Variants in C10orf90 observed in about 807,000 individuals in gnomAD.
The protein encoded by C10orf90 is (E2-independent) E3 ubiquitin-conjugating enzyme FATS.
C10orf90 carries 56 observed loss-of-function variants against 62.5 expected under a neutral mutation model. That is an observed-to-expected ratio of 0.90 (90% CI 0.72 to 1.12). C10orf90 has a LOEUF of 1.12. C10orf90 is among the 50% of genes most tolerant of loss of function. The pLI, the probability that C10orf90 is intolerant of heterozygous loss-of-function variation, is 0.00. For missense variants in C10orf90, 970 were observed against 880.4 expected (o/e 1.10, Z -1.29); for synonymous variants, 386 against 340.4 (o/e 1.13, Z -1.47).
chr10:126,442,486 T>TC (rs1858419161), intron 7 of C10orf90, among the ~76,000 whole-genome samples: 1 of 95,384 alleles, frequency 1.0e-5, no homozygotes, highest in South Asian at 3.3e-4. Context: ...TTCATATATA[T>TC]ATATATATAT....
At chr10:126,492,939 A>C (rs1273350771) in intron 4 of C10orf90, among the ~76,000 whole-genome samples, 1 of 152,212 alleles carries the variant, frequency 6.6e-6, no homozygotes, top group Non-Finnish European at 1.5e-5. Flanking sequence ...TTTTTCTCTA[A>C]GGACATTTAT....
chr10:126,594,425 G>A lies in C10orf90; in HGVS notation c.313+52140C>T, dbSNP rs73386818. ...ATTGGGAAGATGAGTGTGGACAGGG[G>A]ACATCCTCCTGAGTTATGTGACTCA... On this transcript the variant is annotated intron_variant, in intron 2 of 9. Coordinates refer to ENST00000488181, the MANE Select transcript of C10orf90 (RefSeq NM_001350921.2). Among the ~76,000 whole-genome samples the A allele has an allele frequency of 9.1e-3, 1,388 of 152,224 alleles. 22 individuals carry two copies. Among genetic ancestry groups the A allele is most frequent in the African/African-American group, 0.032 (1,309 of 41,544 alleles).
chr10:126,462,088 G>C (rs1320675974), intron 5 of C10orf90, among the ~76,000 whole-genome samples: 1 of 152,094 alleles, frequency 6.6e-6, no homozygotes, highest in East Asian at 1.9e-4. Context: ...AGGCTGGTTT[G>C]GGGCTCTTCC....
intron 3 of C10orf90, among the ~76,000 whole-genome samples, chr10:126,506,919 AGTGTGTGTGTGT>A (rs61651582): frequency 8.0e-5 from 12 of 149,430 alleles, no homozygotes; most frequent in Middle Eastern, 6.8e-3. Context: ...CAGGAGGGCC[AGTGTGTGTGTGT>A]GTGTGTGTGT....
intron 1 of C10orf90, among the ~76,000 whole-genome samples, chr10:126,657,665 G>C (rs1018317876): frequency 6.7e-6 from 1 of 148,532 alleles, no homozygotes; most frequent in Non-Finnish European, 1.5e-5. Flanking sequence ...GCCCAGGCTA[G>C]AGTGCAGTGG....
chr10:126,651,683 G>C (rs1846294269), intron 1 of C10orf90, among the ~76,000 whole-genome samples: 1 of 152,308 alleles, frequency 6.6e-6, no homozygotes, highest in South Asian at 2.1e-4. Context: ...AGTCTATACA[G>C]AACACTGCTG....
At chr10:126,625,924 C>T (rs948871871) in intron 2 of C10orf90, among the ~76,000 whole-genome samples, 1 of 151,666 alleles carries the variant, frequency 6.6e-6, no homozygotes. Context: ...AAACCAGCCT[C>T]GCCAACATGG....
rs563439810 is a variant in C10orf90 at position 126,542,734 on chromosome 10, A to G, written c.314-28795T>C. 2.6e-4 allele frequency among the ~76,000 whole-genome samples: 39 copies of G among 152,284 alleles called. No homozygotes were observed. In the South Asian group the frequency reaches 6.6e-3, roughly 26 times the overall value. ...ACACACACCCCTATAAAAATCCAGCATCAGGGTGTGGGAAGGTGGGTTCTT... is the reference window on the plus strand; with the variant it reads ...ACACACACCCCTATAAAAATCCAGCGTCAGGGTGTGGGAAGGTGGGTTCTT... On this transcript the variant is annotated intron_variant, in intron 2 of 9. Transcript: ENST00000488181.
At chr10:126,540,378 G>A (rs1864345525) in intron 2 of C10orf90, among the ~76,000 whole-genome samples, 1 of 152,124 alleles carries the variant, frequency 6.6e-6, no homozygotes, top group African/African-American at 2.4e-5. Context: ...ATAACCAAAG[G>A]CTGGGTGCAG....
At chr10:126,465,842 C>T (rs1860253225) in intron 4 of C10orf90, among the ~76,000 whole-genome samples, 1 of 152,150 alleles carries the variant, frequency 6.6e-6, no homozygotes, top group East Asian at 1.9e-4. Flanking sequence ...GTGGGTTAAT[C>T]TGTAAGATAC....
intron 2 of C10orf90, among the ~76,000 whole-genome samples, chr10:126,614,601 T>A (rs571487889): frequency 1.3e-5 from 2 of 152,164 alleles, no homozygotes; most frequent in Non-Finnish European, 2.9e-5. Context: ...TCTACCATGC[T>A]TAAGGTGGTT....
Position 126,433,036 on chromosome 10 carries a change from G to A in C10orf90, c.2189-3186C>T, listed in dbSNP as rs573343033. Among the ~76,000 whole-genome samples the A allele has an allele frequency of 1.2e-4, 18 of 152,292 alleles. 1 individual carries two copies. The South Asian group carries it at 2.7e-3, about 23-fold the overall frequency. On this transcript the variant is annotated intron_variant, in intron 7 of 9. Coordinates refer to ENST00000488181, the MANE Select transcript of C10orf90 (RefSeq NM_001350921.2). ...TGGAGGAGATGCAAAAATGGCAGCA[G>A]TGAGATAGGTCAGGCAATTGCAGCC...
At chr10:126,487,448 G>C (rs1203326124) in intron 4 of C10orf90, among the ~76,000 whole-genome samples, 3 of 152,118 alleles carry the variant, frequency 2.0e-5, no homozygotes, top group Admixed American at 2.0e-4. Flanking sequence ...ACATATAGCT[G>C]CCTTCTCCAT....
At chr10:126,517,339 C>T (rs1439462787) in intron 2 of C10orf90, among the ~76,000 whole-genome samples, 2 of 152,152 alleles carry the variant, frequency 1.3e-5, no homozygotes, top group Non-Finnish European at 2.9e-5. Context: ...GTAACTGCAT[C>T]AAGAAATTGC....
chr10:126,500,143 CCTAATAGT>C (rs2133869437), intron 4 of C10orf90, among the ~76,000 whole-genome samples: 1 of 152,290 alleles, frequency 6.6e-6, no homozygotes, highest in South Asian at 2.1e-4. Flanking sequence ...AGTTCACTCT[CCTAATAGT>C]CTACCGGGGT....
chr10:126,594,108 CTT>C (rs5788794), intron 2 of C10orf90, among the ~76,000 whole-genome samples: 161 of 131,922 alleles, frequency 1.2e-3, no homozygotes, highest in Non-Finnish European at 1.4e-3. Context: ...ACCAGGCTTG[CTT>C]TTTTTTTTTT....
intron 2 of C10orf90, among the ~76,000 whole-genome samples, chr10:126,622,608 A>G (rs1264093255): frequency 1.3e-5 from 2 of 152,172 alleles, no homozygotes; most frequent in Admixed American, 1.3e-4. Context: ...TCAACTGTCA[A>G]TAGTGCTAAG....
intron 1 of C10orf90, among the ~76,000 whole-genome samples, chr10:126,654,687 G>T (rs1401358857): frequency 6.6e-6 from 1 of 152,174 alleles, no homozygotes; most frequent in African/African-American, 2.4e-5. Context: ...GGTACAACAG[G>T]CGCAGCTTTC....
intron 2 of C10orf90, among the ~76,000 whole-genome samples, chr10:126,563,796 C>A (rs1019290134): frequency 1.3e-5 from 2 of 152,184 alleles, no homozygotes; most frequent in African/African-American, 4.8e-5. Context: ...GATGGACATC[C>A]TGCACTCATT....
Sources: gnomAD v4.1 joint callset for allele counts (sites outside exome capture counted in the v4.1 genomes callset) on GRCh38, gnomAD v4.1.1 for gene constraint, MANE v1.5 for transcripts, NCBI Gene and HGNC (gene_info 2026-07-23, HGNC 2026-07-21) for gene names.